Variants in ABLIM3 observed in about 807,000 individuals in gnomAD.
The protein encoded by ABLIM3 is actin binding LIM protein family member 3, also known as actin-binding LIM protein 3.
ABLIM3 carries 61 observed loss-of-function variants against 109.5 expected under a neutral mutation model. That is an observed-to-expected ratio of 0.56 (90% CI 0.45 to 0.69). ABLIM3 has a LOEUF of 0.69. ABLIM3 is among the 30% of genes least tolerant of loss of function. The pLI, the probability that ABLIM3 is intolerant of heterozygous loss-of-function variation, is 0.00. For synonymous variants in ABLIM3, 300 were observed against 324.8 expected (o/e 0.92, Z 0.82); for missense variants, 796 against 889.5 (o/e 0.89, Z 1.34).
intron 8 of ABLIM3, 126 bp downstream of exon 8, chr5:149,217,172 A>G (rs1199711037): frequency 3.2e-6 from 3 of 925,136 alleles, no homozygotes; most frequent in Non-Finnish European, 5.0e-6. Context: ...CCTTGTCCTC[A>G]GAATTGCAAT....
intron 8 of ABLIM3, among the ~76,000 whole-genome samples, chr5:149,227,255 TGACA>T (rs1330861755): frequency 6.6e-6 from 1 of 152,178 alleles, no homozygotes. Flanking sequence ...AATACCTGGC[TGACA>T]GATAGTTTTG....
At chr5:149,178,148 G>C (rs1044265313) in intron 2 of ABLIM3, among the ~76,000 whole-genome samples, 1 of 151,944 alleles carries the variant, frequency 6.6e-6, no homozygotes, top group African/African-American at 2.4e-5. Context: ...CAAACCGGAG[G>C]CCCCTGCTGT....
intron 23 of ABLIM3, among the ~76,000 whole-genome samples, chr5:149,254,513 C>T (rs1203765442): frequency 1.3e-5 from 2 of 152,154 alleles, no homozygotes; most frequent in Non-Finnish European, 2.9e-5. Context: ...CTCAGCACCC[C>T]TCAGGAAAAG....
At position 149,258,735 on chromosome 5, in the gene ABLIM3, T is replaced by A; in HGVS notation, c.*331T>A. ...GGTGCCTGAAGAAGTCTCTCTTCTCTCTGCTTCGTGGCCCCTTTCTTAAAT... is the reference window on the plus strand; with the variant it reads ...GGTGCCTGAAGAAGTCTCTCTTCTCACTGCTTCGTGGCCCCTTTCTTAAAT... On this transcript the variant is annotated 3_prime_UTR_variant, in exon 24 of 24. Coordinates refer to ENST00000309868, the MANE Select transcript of ABLIM3 (RefSeq NM_014945.5). The A allele has an allele frequency of 9.8e-7, 1 of 1,015,930 alleles. No homozygotes were observed. Among genetic ancestry groups the A allele is most frequent in the Non-Finnish European group, 1.2e-6 (1 of 850,446 alleles). 62.9% of individuals were successfully genotyped at this position (1,015,930 alleles called of 1,614,324 possible).
At chr5:149,228,383 T>C (rs992957864) in intron 8 of ABLIM3, among the ~76,000 whole-genome samples, 2 of 152,188 alleles carry the variant, frequency 1.3e-5, no homozygotes, top group African/African-American at 4.8e-5. Flanking sequence ...CATCCTCTCA[T>C]GGGTGCATTA....
At chr5:149,189,079 A>G (rs542033341) in intron 3 of ABLIM3, among the ~76,000 whole-genome samples, 2 of 152,360 alleles carry the variant, frequency 1.3e-5, no homozygotes, top group East Asian at 3.9e-4. Flanking sequence ...TTAATTTTCA[A>G]CAAGGCTGTT....
At chr5:149,216,849 C>A in intron 7 of ABLIM3, 110 bp from the exon 8 acceptor site, 1 of 959,792 alleles carries the variant, frequency 1.0e-6, no homozygotes, top group Non-Finnish European at 1.6e-6. Context: ...ACTTTAGGGC[C>A]ATGAAGATGC....
chr5:149,205,808 G>A (rs970894808), intron 5 of ABLIM3, among the ~76,000 whole-genome samples: 3 of 152,144 alleles, frequency 2.0e-5, no homozygotes, highest in Admixed American at 6.5e-5. Context: ...GCCAAGAGGC[G>A]GAGTACTGTG....
chr5:149,213,634 G>C (rs148144532), intron 7 of ABLIM3, among the ~76,000 whole-genome samples: 1 of 152,266 alleles, frequency 6.6e-6, no homozygotes, highest in African/African-American at 2.4e-5. Flanking sequence ...CAGGGCCACA[G>C]ATGGAAATTT....
At chr5:149,254,371 T>C (rs1207733547) in intron 23 of ABLIM3, among the ~76,000 whole-genome samples, 3 of 152,190 alleles carry the variant, frequency 2.0e-5, no homozygotes, top group African/African-American at 7.2e-5. Context: ...AGATCATGGA[T>C]GTGTCCATTT....
At chr5:149,156,381 T>C (rs1753865511) in intron 2 of ABLIM3, among the ~76,000 whole-genome samples, 1 of 152,214 alleles carries the variant, frequency 6.6e-6, no homozygotes, top group Admixed American at 6.5e-5. Flanking sequence ...TGAGTGAATA[T>C]ATGTGAGATG....
At chr5:149,225,126 G>A (rs982217701) in intron 8 of ABLIM3, among the ~76,000 whole-genome samples, 1 of 152,200 alleles carries the variant, frequency 6.6e-6, no homozygotes, top group African/African-American at 2.4e-5. Context: ...GCTGGGAGGA[G>A]AGGAGTGGGA....
At chr5:149,240,129 G>A (rs1752659345) in intron 13 of ABLIM3, among the ~76,000 whole-genome samples, 1 of 152,240 alleles carries the variant, frequency 6.6e-6, no homozygotes, top group Non-Finnish European at 1.5e-5. Flanking sequence ...ACTTCCAGGA[G>A]AGGGGGCTGG....
At chr5:149,178,658 C>G (rs1000404795) in intron 2 of ABLIM3, among the ~76,000 whole-genome samples, 1 of 152,194 alleles carries the variant, frequency 6.6e-6, no homozygotes, top group East Asian at 1.9e-4. Flanking sequence ...AGTGAAAGAA[C>G]ATAACTTAGG....
chr5:149,142,567 TAAAC>T (rs1231270996), intron 2 of ABLIM3, among the ~76,000 whole-genome samples: 2 of 152,102 alleles, frequency 1.3e-5, no homozygotes, highest in African/African-American at 4.8e-5. Flanking sequence ...CGCAGTTTGA[TAAAC>T]AAATAATCGC....
At chr5:149,166,900 A>C (rs1754888993) in intron 2 of ABLIM3, among the ~76,000 whole-genome samples, 1 of 152,210 alleles carries the variant, frequency 6.6e-6, no homozygotes, top group Non-Finnish European at 1.5e-5. Flanking sequence ...TTACAAAGAC[A>C]GTTAGTGGGA....
chr5:149,152,712 A>G (rs779354763), intron 2 of ABLIM3, among the ~76,000 whole-genome samples: 2 of 152,166 alleles, frequency 1.3e-5, no homozygotes, highest in Non-Finnish European at 2.9e-5. Context: ...ATGTTCTGAC[A>G]TACGGGACAT....
chr5:149,244,335 C>G, intron 15 of ABLIM3: 1 of 156,430 alleles, frequency 6.4e-6, no homozygotes, highest in Non-Finnish European at 1.4e-5. Context: ...AGTAAAGTGG[C>G]AGAGCTGGGA....
At chr5:149,235,268 A>G (rs1762238693) in intron 10 of ABLIM3, among the ~76,000 whole-genome samples, 1 of 152,236 alleles carries the variant, frequency 6.6e-6, no homozygotes, top group Non-Finnish European at 1.5e-5. Context: ...TGCTTTGGAT[A>G]GATGCAATAA....
Sources: gnomAD v4.1 joint callset for allele counts (sites outside exome capture counted in the v4.1 genomes callset) on GRCh38, gnomAD v4.1.1 for gene constraint, MANE v1.5 for transcripts, NCBI Gene and HGNC (gene_info 2026-07-23, HGNC 2026-07-21) for gene names.